MTIF2: variants seen among roughly 807,000 people sequenced by gnomAD.
MTIF2 encodes the protein translation initiation factor IF-2, mitochondrial.
In MTIF2, 71 loss-of-function variants were observed where a neutral mutation model predicts 83.5. That is an observed-to-expected ratio of 0.85 (90% CI 0.70 to 1.04). MTIF2 has a LOEUF of 1.04. Among genes scored for constraint, MTIF2 ranks in the 50% least tolerant of loss-of-function variants. The pLI is 0.00. For synonymous variants in MTIF2, 319 were observed against 287.1 expected (o/e 1.11, Z -1.12); for missense variants, 957 against 846.5 (o/e 1.13, Z -1.62).
chr2:55,236,669 A>T lies in MTIF2; in HGVS notation c.2163T>A (p.Thr721=). Residue 721 remains threonine, a synonymous_variant, in exon 16 of 16, where the codon ACT becomes ACA. Transcript: ENST00000263629. ...CYEEKQIQAK[T]SWDPGF is the part of the protein sequence containing the mutation. ...AATTTTAAAATCCTGGATCCCAAGAAGTCTTGGCTTGAATTTGCTTTTCTT... is the reference window on the plus strand; with the variant it reads ...AATTTTAAAATCCTGGATCCCAAGATGTCTTGGCTTGAATTTGCTTTTCTT... 2 of 1,591,980 alleles carry T rather than the reference A, an allele frequency of 1.3e-6. No individual in the cohort carries two copies.
chr2:55,252,356 G>A (rs1188601969), intron 8 of MTIF2, 121 bp downstream of exon 8: 4 of 815,354 alleles, frequency 4.9e-6, no homozygotes, highest in Admixed American at 2.4e-5. Context: ...TATCTTTGAG[G>A]CTTATCTGTA....
intron 11 of MTIF2, 83 bp from the exon 12 acceptor site, chr2:55,243,751 G>A (rs2104323671): frequency 1.4e-6 from 2 of 1,408,138 alleles, no homozygotes; most frequent in East Asian, 2.3e-5. Flanking sequence ...CCTGCATTAG[G>A]AAATTAGCTT....
chr2:55,268,975 G>A (rs1170032242), intron 1 of MTIF2, 194 bp downstream of exon 1: 1 of 152,200 alleles, frequency 6.6e-6, no homozygotes, highest in Admixed American at 6.5e-5. Flanking sequence ...CCGCTTCCGA[G>A]AGAACAGTGC....
At chr2:55,265,459 G>A (rs1484712508) in intron 3 of MTIF2, among the ~76,000 whole-genome samples, 1 of 151,306 alleles carries the variant, frequency 6.6e-6, no homozygotes. Flanking sequence ...ATAACCTAGG[G>A]TCGTGTTTTC....
chr2:55,240,514 G>A (rs1312628830), intron 13 of MTIF2, among the ~76,000 whole-genome samples: 7 of 152,106 alleles, frequency 4.6e-5, no homozygotes, highest in African/African-American at 1.7e-4. Context: ...GGGAGGCGGA[G>A]GTTGCAGTGA....
intron 14 of MTIF2, among the ~76,000 whole-genome samples, chr2:55,238,549 G>A (rs562270817): frequency 7.2e-5 from 11 of 152,032 alleles, no homozygotes; most frequent in East Asian, 3.9e-4. Context: ...GCGCCACCAC[G>A]CCTGGCTAAT....
chr2:55,238,185 C>T (rs909985185), intron 14 of MTIF2, among the ~76,000 whole-genome samples: 15 of 9,912 alleles, frequency 1.5e-3, no homozygotes. Context: ...TGCGTGCCAC[C>T]ATGCCCACTA....
intron 6 of MTIF2, 101 bp downstream of exon 6, chr2:55,254,553 T>C (rs1677366840): frequency 1.9e-6 from 2 of 1,031,200 alleles, no homozygotes; most frequent in Admixed American, 2.8e-5. Context: ...CACATATCTT[T>C]ATTACAAAAG....
chr2:55,261,556 G>A (rs915098430), intron 5 of MTIF2, among the ~76,000 whole-genome samples: 5 of 151,904 alleles, frequency 3.3e-5, no homozygotes, highest in South Asian at 2.1e-4. Flanking sequence ...GCAGGGAGCC[G>A]AGATCGTGCC....
chr2:55,262,471 C>T (rs1286101675), intron 4 of MTIF2, 44 bp from the exon 5 acceptor site: 1 of 1,225,286 alleles, frequency 8.2e-7, no homozygotes, highest in South Asian at 1.3e-5. Flanking sequence ...GAAGAAAAAA[C>T]TTAAGTGACA....
rs1558562616 is a variant in MTIF2, at chr2:55,249,365, GGCATATTTATATGAGGTCCCC to G, written c.981+9_981+29del. 1 of 1,610,922 alleles carries G rather than the reference GGCATATTTATATGAGGTCCCC, an allele frequency of 6.2e-7. No homozygotes were observed. The highest frequency in any genetic ancestry group is 8.5e-7 in the Non-Finnish European group (1 of 1,178,406). On this transcript the variant is annotated intron_variant, in intron 9 of 15. Transcript: ENST00000263629. ...GCATTATGTACAGCATTCCCATCCAGGCATATTTATATGAGGTCCCCGCATTTACCGTAAGTGCGGAGACAG... is the reference window on the plus strand; with the variant it reads ...GCATTATGTACAGCATTCCCATCCAGGCATTTACCGTAAGTGCGGAGACAG...
At chr2:55,250,169 T>C (rs1676991926) in intron 8 of MTIF2, among the ~76,000 whole-genome samples, 2 of 152,108 alleles carry the variant, frequency 1.3e-5, no homozygotes, top group South Asian at 2.1e-4. Context: ...CCACTGCCTA[T>C]ACCAAAATCC....
At position 55,268,708 on chromosome 2, in the gene MTIF2, G is replaced by C. The variant is rs1460623766; in HGVS notation, c.-205C>G. 6.6e-6 allele frequency: 1 copy of C among 152,272 alleles called. No homozygotes were observed. The highest frequency in any genetic ancestry group is 1.5e-5 in the Non-Finnish European group (1 of 68,082). The allele number at this position is 152,272 out of a possible 1,614,324, so 9.4% of individuals were successfully genotyped here. On this transcript the variant is annotated 5_prime_UTR_variant, in exon 2 of 16. Transcript: ENST00000263629. ...ACGTTCTGACTCCCAGTACGGTGTT[G>C]TTTCGCCGCTAGGATATCCTTGTCA... is the stretch of plus-strand genomic sequence containing the variant.
chr2:55,259,393 G>C (rs766025241), intron 5 of MTIF2, among the ~76,000 whole-genome samples: 3 of 151,940 alleles, frequency 2.0e-5, no homozygotes, highest in East Asian at 3.9e-4. Context: ...TTGGGGTTTA[G>C]AGTACTGCTC....
chr2:55,250,555 T>C (rs756478109), intron 8 of MTIF2, among the ~76,000 whole-genome samples: 22 of 152,172 alleles, frequency 1.4e-4, no homozygotes, highest in South Asian at 8.3e-4. Flanking sequence ...ATATCACAAA[T>C]TTTCTTTTAG....
rs1243546304 is a variant in MTIF2 at position 55,263,788 on chromosome 2, A to G, written c.71T>C (p.Leu24Pro). 1 of 1,614,036 alleles carries G rather than the reference A, an allele frequency of 6.2e-7. No homozygotes were observed. Among genetic ancestry groups the G allele is most frequent in the Non-Finnish European group, 8.5e-7 (1 of 1,180,054 alleles). Residue 24 changes from leucine (L) to proline (P), a missense_variant, in exon 4 of 16, where the codon CTG (leucine) becomes CCG (proline). By Grantham distance (98) the Leu-to-Pro change is moderately conservative. Around this residue, in one of 3 missense-constraint regions of MTIF2, gnomAD observed 733 missense variants for 648.7 expected, o/e 1.13. Transcript: ENST00000263629. ...FHTIYRQLHSLCQRRALRQWR... is the reference protein window; with the variant it reads ...FHTIYRQLHSPCQRRALRQWR... ...CTGTCTTAATGCTCTTCTTTGACAC[A>G]GACTGTGCAGTTGCCTATAAATAGT...
In MTIF2 at chr2:55,236,782, A is replaced by G. The variant is rs1558543337; in HGVS notation, c.2050T>C (p.Ser684Pro). 3.7e-6 allele frequency: 6 copies of G among 1,609,104 alleles called. No homozygotes were observed. The highest frequency in any genetic ancestry group is 5.1e-6 in the Non-Finnish European group (6 of 1,178,850). Reference sequence around the variant, plus strand: ...CAATCCATTCCCGTTTTGACAATTGAAATGTCATCTTTATGGTGTTTCAAT... The same window carrying G: ...CAATCCATTCCCGTTTTGACAATTGGAATGTCATCTTTATGGTGTTTCAAT... Reference protein sequence around the residue: ...TSLKHHKDDISIVKTGMDCGL... With the variant: ...TSLKHHKDDIPIVKTGMDCGL... The change falls in exon 16 of 16, where the codon TCA becomes CCA. Residue 684 changes from serine (S) to proline (P), a missense_variant. Transcript: ENST00000263629.
chr2:55,241,357 G>A (rs1320397358), intron 13 of MTIF2, among the ~76,000 whole-genome samples: 2 of 151,064 alleles, frequency 1.3e-5, no homozygotes, highest in East Asian at 3.9e-4. Flanking sequence ...GGTGGTGGGT[G>A]CGGTGAGCCA....
chr2:55,262,610 T>G (rs1314755653), intron 4 of MTIF2, among the ~76,000 whole-genome samples, 183 bp from the exon 5 acceptor site: 1 of 144,014 alleles, frequency 6.9e-6, no homozygotes, highest in African/African-American at 2.5e-5. Flanking sequence ...TTGCACAATC[T>G]CAGCTCACTG....
Sources: gnomAD v4.1 joint callset for allele counts (sites outside exome capture counted in the v4.1 genomes callset) on GRCh38, gnomAD v4.1.1 for gene constraint, gnomAD v4.1.1 regional missense constraint, MANE v1.5 for transcripts, NCBI Gene and HGNC (gene_info 2026-07-23, HGNC 2026-07-21) for gene names.